The following KCND2 variants were observed in gnomAD, a reference collection of about 807,000 sequenced individuals.
KCND2 encodes the protein potassium voltage-gated channel subfamily D member 2, also known as A-type voltage-gated potassium channel KCND2.
A neutral mutation model predicts 54.4 loss-of-function variants in KCND2; 16 were observed. The observed-to-expected ratio is 0.29, with a 90% CI of 0.20 to 0.45. KCND2 has a LOEUF of 0.45. Among genes scored for constraint, KCND2 ranks in the 20% least tolerant of loss-of-function variants. KCND2 has a pLI of 1.00. For synonymous variants in KCND2, 317 were observed against 310.7 expected, an observed-to-expected ratio of 1.02 and a Z score of -0.21; for missense variants, 486 against 824.2, an observed-to-expected ratio of 0.59 and a Z score of 5.02.
chr7:120,450,794 C>T (rs764517402), intron 1 of KCND2, among the ~76,000 whole-genome samples: 1 of 152,172 alleles, frequency 6.6e-6, no homozygotes, highest in African/African-American at 2.4e-5. Context: ...AAATGACCTA[C>T]TGATCTACTG....
At chr7:120,572,297 C>T (rs1792375819) in intron 1 of KCND2, among the ~76,000 whole-genome samples, 1 of 151,794 alleles carries the variant, frequency 6.6e-6, no homozygotes, top group South Asian at 2.1e-4. Context: ...TGTGTAGGTA[C>T]ATAGGTTGTA....
At chr7:120,531,369 G>T (rs2116364771) in intron 1 of KCND2, among the ~76,000 whole-genome samples, 1 of 152,072 alleles carries the variant, frequency 6.6e-6, no homozygotes, top group Admixed American at 6.6e-5. Context: ...TAGATGAACT[G>T]CCTCCAAAGC....
At chr7:120,515,887 AGAGAAG>A (rs1470922077) in intron 1 of KCND2, among the ~76,000 whole-genome samples, 2 of 152,122 alleles carry the variant, frequency 1.3e-5, no homozygotes, top group Non-Finnish European at 1.5e-5. Context: ...AGAAGAAGAA[AGAGAAG>A]GAGAAGGAGA....
chr7:120,376,659 TTA>T (rs1326052348), intron 1 of KCND2, among the ~76,000 whole-genome samples: 1 of 151,736 alleles, frequency 6.6e-6, no homozygotes. Flanking sequence ...ATGGTGATAT[TTA>T]GTTTTAGCCA....
chr7:120,695,392 T>A (rs959403576), intron 1 of KCND2, among the ~76,000 whole-genome samples: 2 of 152,142 alleles, frequency 1.3e-5, no homozygotes, highest in Non-Finnish European at 1.5e-5. Context: ...ATGCTAAGTT[T>A]AATATTTTAT....
At chr7:120,718,101 G>A (rs1792624871) in intron 1 of KCND2, among the ~76,000 whole-genome samples, 1 of 152,124 alleles carries the variant, frequency 6.6e-6, no homozygotes, top group South Asian at 2.1e-4. Flanking sequence ...GCAGTGATAG[G>A]AAGGAGGCAG....
intron 1 of KCND2, among the ~76,000 whole-genome samples, chr7:120,334,899 T>G (rs933978506): frequency 2.6e-5 from 4 of 152,174 alleles, no homozygotes; most frequent in African/African-American, 9.7e-5. Flanking sequence ...AGTTCCTTCT[T>G]CTAGAATAGA....
Position 120,506,142 on chromosome 7 carries a change from A to G in KCND2, c.1116-226761A>G, listed in dbSNP as rs1803013765. On this transcript the variant is annotated intron_variant, in intron 1 of 5. Coordinates refer to ENST00000331113, the MANE Select transcript of KCND2 (RefSeq NM_012281.3). ...GATTTTTGAAATTTTTTTTTCTTCT[A>G]GTTTAAAGAGGAAATACATAGAGAG... Among the ~76,000 whole-genome samples, 3 of 151,516 alleles carry G rather than the reference A, an allele frequency of 2.0e-5. No individual in the cohort carries two copies. The South Asian group carries it at 6.2e-4, about 31-fold the overall frequency.
chr7:120,658,734 G>C (rs1188443067), intron 1 of KCND2, among the ~76,000 whole-genome samples: 1 of 152,144 alleles, frequency 6.6e-6, no homozygotes, highest in Admixed American at 6.5e-5. Context: ...CCAAGGACTG[G>C]TATTCATTCT....
chr7:120,446,119 A>G (rs1802015158), intron 1 of KCND2, among the ~76,000 whole-genome samples: 1 of 152,070 alleles, frequency 6.6e-6, no homozygotes, highest in Non-Finnish European at 1.5e-5. Flanking sequence ...CATGTCCTGG[A>G]GTCTTTTCTC....
chr7:120,746,128 T>C, intron 5 of KCND2, 101 bp downstream of exon 5: 9 of 1,379,866 alleles, frequency 6.5e-6, no homozygotes, highest in Non-Finnish European at 9.1e-6. Context: ...AATCCCTAGC[T>C]CCTATGGTTC....
chr7:120,661,834 G>C (rs2116560691), intron 1 of KCND2, among the ~76,000 whole-genome samples: 1 of 152,200 alleles, frequency 6.6e-6, no homozygotes, highest in East Asian at 1.9e-4. Context: ...ATGTTAAAGG[G>C]TGGCAAAATA....
chr7:120,645,194 G>A (rs1046616209), intron 1 of KCND2, among the ~76,000 whole-genome samples: 1 of 152,216 alleles, frequency 6.6e-6, no homozygotes, highest in Non-Finnish European at 1.5e-5. Context: ...TGCTATAAAA[G>A]CCTGCGTATA....
chr7:120,657,496 T>A (rs1791816969), intron 1 of KCND2, among the ~76,000 whole-genome samples: 1 of 152,074 alleles, frequency 6.6e-6, no homozygotes, highest in African/African-American at 2.4e-5. Flanking sequence ...ACACAAAAGA[T>A]TGAACTATTT....
In KCND2 at chr7:120,351,262, A is replaced by ATATG. The variant is rs36191755; in HGVS notation, c.1115+75518_1115+75519insGTAT. 6.8e-5 allele frequency among the ~76,000 whole-genome samples: 10 copies of ATATG among 146,824 alleles called. No homozygotes were observed. The East Asian group carries it at 2.0e-3, about 29-fold the overall frequency. On this transcript the variant is annotated intron_variant, in intron 1 of 5. Transcript: ENST00000331113. ...TATGTGTGTATATATATATATATAT[A>ATATG]TATATCCAGTATATTATTTCAGGTT...
intron 1 of KCND2, among the ~76,000 whole-genome samples, chr7:120,321,880 C>T (rs984705853): frequency 7.9e-5 from 12 of 151,942 alleles, no homozygotes; most frequent in African/African-American, 1.9e-4. Flanking sequence ...TTGAATACTC[C>T]GTATAACATT....
intron 1 of KCND2, among the ~76,000 whole-genome samples, chr7:120,330,280 C>A (rs999039501): frequency 2.0e-5 from 3 of 151,792 alleles, no homozygotes; most frequent in Non-Finnish European, 4.4e-5. Flanking sequence ...AAGTGCCTGG[C>A]GCATAATAAA....
At chr7:120,396,642 T>C (rs899972366) in intron 1 of KCND2, among the ~76,000 whole-genome samples, 3 of 152,084 alleles carry the variant, frequency 2.0e-5, no homozygotes, top group African/African-American at 7.2e-5. Flanking sequence ...GAGGATAAGA[T>C]TTCAGTACTC....
rs1309203003 is a variant in KCND2 at position 120,458,814 on chromosome 7, TC to T, written c.1115+183069del. 5.9e-5 allele frequency among the ~76,000 whole-genome samples: 9 copies of T among 151,594 alleles called. No individual in the cohort carries two copies. The South Asian group carries it at 1.9e-3, about 32-fold the overall frequency. On this transcript the variant is annotated intron_variant, in intron 1 of 5. Transcript: ENST00000331113. The stretch of plus-strand genomic sequence containing the variant: ...TCCCCCAGGAAATCCTCTTGACTCT[TC>T]CTTCAGATTATATCCAAAAAATAAT...
Sources: gnomAD v4.1 joint callset for allele counts (sites outside exome capture counted in the v4.1 genomes callset) on GRCh38, gnomAD v4.1.1 for gene constraint, MANE v1.5 for transcripts, NCBI Gene and HGNC (gene_info 2026-07-23, HGNC 2026-07-21) for gene names.